Variants in TMEM164 observed in about 807,000 individuals in gnomAD.
The protein encoded by TMEM164 is transmembrane protein 164.
A neutral mutation model predicts 18.8 loss-of-function variants in TMEM164; 4 were observed. The observed-to-expected ratio is 0.21, with a 90% CI of 0.10 to 0.49. The LOEUF is 0.49. Among genes scored for constraint, TMEM164 ranks in the 20% least tolerant of loss-of-function variants. TMEM164 has a pLI of 0.98. For synonymous variants in TMEM164, 86 were observed against 101.7 expected, an observed-to-expected ratio of 0.85 and a Z score of 0.93; for missense variants, 108 against 239.9, an observed-to-expected ratio of 0.45 and a Z score of 3.63.
intron 5 of TMEM164, among the ~76,000 whole-genome samples, chrX:110,155,637 T>C (rs2067006009): frequency 9.0e-6 from 1 of 111,479 alleles, no homozygotes. Flanking sequence ...TTACCAGGAC[T>C]ACTTTGCTTC....
intron 2 of TMEM164, among the ~76,000 whole-genome samples, chrX:110,016,291 T>C (rs1933363324): frequency 8.9e-6 from 1 of 112,661 alleles, no homozygotes; most frequent in Non-Finnish European, 1.9e-5. Context: ...GGATTAATCC[T>C]GGCTCTTGCC....
intron 5 of TMEM164, among the ~76,000 whole-genome samples, chrX:110,153,305 G>GATGA (rs1359502263): frequency 1.8e-5 from 2 of 111,865 alleles, no homozygotes; most frequent in Non-Finnish European, 3.8e-5. Context: ...GTATGTAGGT[G>GATGA]ATGAATGAAT....
chrX:110,051,729 G>A (rs1935571643), intron 2 of TMEM164, among the ~76,000 whole-genome samples: 1 of 112,275 alleles, frequency 8.9e-6, no homozygotes, highest in African/African-American at 3.2e-5. Context: ...TGGAGGAACA[G>A]CAGCTTCATT....
At chrX:110,138,604 A>G (rs1215568453) in intron 4 of TMEM164, among the ~76,000 whole-genome samples, 2 of 112,151 alleles carry the variant, frequency 1.8e-5, no homozygotes, top group Non-Finnish European at 3.8e-5. Flanking sequence ...CCATTGAGGT[A>G]GAGAAAGAAC....
At chrX:110,072,319 A>T (rs1874725101) in intron 3 of TMEM164, among the ~76,000 whole-genome samples, 1 of 105,623 alleles carries the variant, frequency 9.5e-6, no homozygotes, top group African/African-American at 3.5e-5. Flanking sequence ...AAAAAAAAAG[A>T]AATTATGTAT....
chrX:110,055,421 CTACA>C, intron 2 of TMEM164: 2 of 256,109 alleles, frequency 7.8e-6, no homozygotes, highest in South Asian at 4.2e-5. Flanking sequence ...AGTGCACAAC[CTACA>C]CAACTGTACT....
At chrX:110,036,326 T>C (rs62597718) in intron 2 of TMEM164, among the ~76,000 whole-genome samples, 3,257 of 112,157 alleles carry the variant, frequency 0.029, 41 homozygotes, top group Non-Finnish European at 0.05. Context: ...GAGTCCTCCC[T>C]AGTTCCTCCT....
intron 5 of TMEM164, among the ~76,000 whole-genome samples, chrX:110,148,374 T>C (rs1346915337): frequency 9.0e-6 from 1 of 111,575 alleles, no homozygotes; most frequent in East Asian, 2.8e-4. Context: ...TCTTCCTCCT[T>C]CTCATCCTGG....
chrX:110,160,527 C>A (rs1048364003), intron 5 of TMEM164, among the ~76,000 whole-genome samples: 2 of 111,938 alleles, frequency 1.8e-5, no homozygotes, highest in Non-Finnish European at 3.8e-5. Flanking sequence ...TAATTGAATT[C>A]CTTTGGCTTT....
chrX:110,012,992 T>G (rs192060974), intron 2 of TMEM164, among the ~76,000 whole-genome samples: 1 of 111,901 alleles, frequency 8.9e-6, no homozygotes, highest in Admixed American at 9.4e-5. Flanking sequence ...CAGACAGGAT[T>G]GGCCTGTTTG....
intron 2 of TMEM164, among the ~76,000 whole-genome samples, chrX:110,059,351 T>A (rs747066669): frequency 2.7e-5 from 3 of 111,781 alleles, no homozygotes; most frequent in African/African-American, 9.7e-5. Flanking sequence ...CTTAGGTTAG[T>A]ACCACACTGT....
rs1055817172 is a variant in TMEM164, at chrX:110,075,717, C to T, written c.440+8321C>T. On this transcript the variant is annotated intron_variant, in intron 3 of 6. Transcript: ENST00000372068. ...CTTTTTATTTGACTATTGAGATGAT[C>T]ATATGGTCCTTGTTTTAAATTCTGT... Among the ~76,000 whole-genome samples, 5 of 112,014 alleles carry T rather than the reference C, an allele frequency of 4.5e-5. No individual in the cohort carries two copies. In the South Asian group the frequency reaches 1.8e-3, roughly 41 times the overall value.
chrX:110,105,697 CACACACACACACACACACACACAG>C (rs1260373963), intron 3 of TMEM164, among the ~76,000 whole-genome samples: 1 of 98,444 alleles, frequency 1.0e-5, no homozygotes, highest in African/African-American at 4.1e-5. Flanking sequence ...CACACACACA[CACACACACACACACACACACACAG>C]ACACACACAC....
At chrX:110,053,964 C>A (rs143686017) in intron 2 of TMEM164, among the ~76,000 whole-genome samples, 10 of 111,340 alleles carry the variant, frequency 9.0e-5, no homozygotes, top group African/African-American at 3.3e-4. Flanking sequence ...TTTATATGTC[C>A]GATGGTGTGT....
chrX:110,065,155 A>G (rs5985442), intron 2 of TMEM164: 52,698 of 110,618 alleles, frequency 0.48, 10,130 homozygotes, highest in Middle Eastern at 0.62. Context: ...GTTCTCTTTA[A>G]TAGTTTTCTG....
chrX:110,098,171 T>C (rs1280710371), intron 3 of TMEM164, among the ~76,000 whole-genome samples: 8 of 112,088 alleles, frequency 7.1e-5, no homozygotes, highest in Non-Finnish European at 7.5e-5. Flanking sequence ...GTGTAACCTT[T>C]AGAGAGTGGG....
chrX:110,128,280 C>T (rs1336295788), intron 4 of TMEM164, among the ~76,000 whole-genome samples: 1 of 111,911 alleles, frequency 8.9e-6, no homozygotes, highest in Non-Finnish European at 1.9e-5. Context: ...CACAAAAGAG[C>T]CTACTTCTCA....
intron 4 of TMEM164, among the ~76,000 whole-genome samples, chrX:110,115,524 G>T (rs2066349105): frequency 9.0e-6 from 1 of 111,253 alleles, no homozygotes; most frequent in African/African-American, 3.3e-5. Context: ...AAATTCTAGG[G>T]ACTATCCTAG....
chrX:110,108,983 T>C (rs2066252626), intron 3 of TMEM164, 97 bp from the exon 4 acceptor site: 1 of 791,380 alleles, frequency 1.3e-6, no homozygotes, highest in African/African-American at 2.1e-5. Flanking sequence ...TATACATAGT[T>C]CTCTTCCATA....
Sources: gnomAD v4.1 joint callset for allele counts (sites outside exome capture counted in the v4.1 genomes callset) on GRCh38, gnomAD v4.1.1 for gene constraint, MANE v1.5 for transcripts, NCBI Gene and HGNC (gene_info 2026-07-23, HGNC 2026-07-21) for gene names.